KIAA1958: variants seen among roughly 807,000 people sequenced by gnomAD.
The protein encoded by KIAA1958 is uncharacterized protein KIAA1958.
KIAA1958 carries 14 observed loss-of-function variants against 47.2 expected under a neutral mutation model. The observed-to-expected ratio is 0.30, with a 90% CI of 0.20 to 0.46. The LOEUF (loss-of-function observed/expected upper bound fraction) is 0.46, where lower values mean the gene tolerates loss of function less well. KIAA1958 is among the 20% of genes least tolerant of loss of function. The pLI is 1.00. For missense variants in KIAA1958, 803 were observed against 909.2 expected (o/e 0.88, Z 1.50); for synonymous variants, 354 against 353.3 (o/e 1.00, Z -0.02).
intron 1 of KIAA1958, among the ~76,000 whole-genome samples, chr9:112,568,032 A>G (rs931061779): frequency 2.0e-5 from 3 of 151,666 alleles, no homozygotes; most frequent in Non-Finnish European, 4.4e-5. Context: ...CTTATTTTAC[A>G]TTTTTAAAAA....
At chr9:112,626,968 G>A (rs542784686) in intron 2 of KIAA1958, among the ~76,000 whole-genome samples, 1 of 152,300 alleles carries the variant, frequency 6.6e-6, no homozygotes, top group East Asian at 1.9e-4. Flanking sequence ...AACCACTGCT[G>A]CTATCACTTA....
intron 2 of KIAA1958, among the ~76,000 whole-genome samples, chr9:112,626,036 A>G (rs1227716368): frequency 1.3e-5 from 2 of 152,222 alleles, no homozygotes; most frequent in Non-Finnish European, 2.9e-5. Flanking sequence ...TAGTCTGGCA[A>G]GTTTTACAAA....
intron 1 of KIAA1958, among the ~76,000 whole-genome samples, chr9:112,566,914 A>AT (rs1354992184): frequency 6.6e-6 from 1 of 152,208 alleles, no homozygotes; most frequent in Non-Finnish European, 1.5e-5. Flanking sequence ...GGGTGTTTAA[A>AT]TTACATGGCA....
At chr9:112,492,233 G>GGTTA (rs1179126903) in intron 1 of KIAA1958, among the ~76,000 whole-genome samples, 1 of 152,180 alleles carries the variant, frequency 6.6e-6, no homozygotes, top group Non-Finnish European at 1.5e-5. Context: ...GTGTTGGCAG[G>GGTTA]GTTAGGTTCT....
intron 2 of KIAA1958, among the ~76,000 whole-genome samples, chr9:112,578,132 CAG>C (rs1245701592): frequency 1.3e-5 from 2 of 152,106 alleles, no homozygotes; most frequent in Non-Finnish European, 2.9e-5. Context: ...AAATAAAAAT[CAG>C]ACTCATATTT....
At position 112,578,838 on chromosome 9, in the gene KIAA1958, A is replaced by T. The variant is rs189315198; in HGVS notation, c.1171+3587A>T. ...TAAATTTGGGGCATTTGTCATAATG[A>T]CATTTAAATCTCTATCGCATCATGA... On this transcript the variant is annotated intron_variant, in intron 2 of 3. Transcript: ENST00000337530. Among the ~76,000 whole-genome samples, 540 of 152,162 alleles carry T rather than the reference A, an allele frequency of 3.5e-3. 5 individuals are homozygous for T. Among genetic ancestry groups the T allele is most frequent in the African/African-American group, 0.012 (509 of 41,564 alleles).
At chr9:112,533,082 C>T (rs1019462203) in intron 1 of KIAA1958, among the ~76,000 whole-genome samples, 5 of 151,914 alleles carry the variant, frequency 3.3e-5, no homozygotes, top group African/African-American at 1.2e-4. Flanking sequence ...GTATACCCTT[C>T]CAGATTTATA....
chr9:112,633,215 T>C (rs921354596), intron 2 of KIAA1958, among the ~76,000 whole-genome samples: 1 of 151,990 alleles, frequency 6.6e-6, no homozygotes, highest in African/African-American at 2.4e-5. Context: ...CTTTTTTTTT[T>C]TTTTAGGGCA....
intron 1 of KIAA1958, among the ~76,000 whole-genome samples, chr9:112,532,536 G>T (rs182835960): frequency 6.6e-6 from 1 of 152,190 alleles, no homozygotes; most frequent in Non-Finnish European, 1.5e-5. Context: ...TCCTTTCTTT[G>T]ACTGTTTCCT....
At position 112,665,701 on chromosome 9, in the gene KIAA1958, G is replaced by A. The variant is rs1358919402; in HGVS notation, c.*5632G>A. The A allele has an allele frequency of 2.0e-5, 3 of 152,166 alleles. No homozygotes were observed. The highest frequency in any genetic ancestry group is 7.2e-5 in the African/African-American group (3 of 41,440). 9.4% of individuals were successfully genotyped at this position (152,166 alleles called of 1,614,324 possible). On this transcript the variant is annotated 3_prime_UTR_variant, in exon 4 of 4. Coordinates refer to ENST00000337530, the MANE Select transcript of KIAA1958 (RefSeq NM_133465.4). ...AACTTAATCGATCCTGGAAAGCCTG[G>A]CGGTTCCCCAGTATTTTCTGCCTAC...
rs879426813 is a variant in KIAA1958 at position 112,661,677 on chromosome 9, T to C, written c.*1608T>C. ...CCTTAAGATTTAATGTTATTCCCTT[T>C]TTAGTCACTGTGCATTTATAAGTTT... On this transcript the variant is annotated 3_prime_UTR_variant, in exon 4 of 4. Transcript: ENST00000337530. 1.3e-5 allele frequency: 2 copies of C among 152,244 alleles called. No homozygotes were observed. The highest frequency in any genetic ancestry group is 1.3e-4 in the Admixed American group (2 of 15,292). 9.4% of individuals were successfully genotyped at this position (152,244 alleles called of 1,614,324 possible).
intron 1 of KIAA1958, among the ~76,000 whole-genome samples, chr9:112,527,599 G>T (rs1173362755): frequency 6.6e-6 from 1 of 152,074 alleles, no homozygotes; most frequent in Non-Finnish European, 1.5e-5. Flanking sequence ...TCTCTGTGCT[G>T]GGGGGAATTG....
At chr9:112,603,736 A>G (rs553192845) in intron 2 of KIAA1958, among the ~76,000 whole-genome samples, 7 of 152,354 alleles carry the variant, frequency 4.6e-5, no homozygotes, top group South Asian at 2.1e-4. Context: ...ACCTTTGACT[A>G]CATCCCACAG....
intron 1 of KIAA1958, among the ~76,000 whole-genome samples, chr9:112,543,863 A>G (rs1449757163): frequency 2.6e-5 from 4 of 152,110 alleles, no homozygotes; most frequent in African/African-American, 9.7e-5. Flanking sequence ...GTCAATACCC[A>G]TGTCCAATTT....
In KIAA1958 at chr9:112,659,519, C is replaced by G. The variant is rs373966804; in HGVS notation, c.1601C>G (p.Ser534Cys). Reference protein sequence around the residue: ...GARSRNIVYFSLSDEEEMWQA... With the variant: ...GARSRNIVYFCLSDEEEMWQA... Reference sequence around the variant, plus strand: ...CGTTCTCGCAACATCGTCTACTTCTCCCTTTCTGACGAGGAGGAGATGTGG... The same window carrying G: ...CGTTCTCGCAACATCGTCTACTTCTGCCTTTCTGACGAGGAGGAGATGTGG... The change falls in exon 4 of 4, where the codon TCC (serine) becomes TGC (cysteine). Residue 534 changes from serine to cysteine, a missense_variant. By Grantham distance (112) the Ser-to-Cys change is moderately radical (BLOSUM62 -1). This residue lies in a region of KIAA1958 where 761 missense variants were observed against 829.3 expected (regional missense o/e 0.92). Transcript: ENST00000337530. 1.4e-5 allele frequency: 23 copies of G among 1,613,290 alleles called. No homozygotes were observed. The highest frequency in any genetic ancestry group is 1.9e-5 in the Non-Finnish European group (22 of 1,179,708).
At chr9:112,576,825 G>A (rs1421468670) in intron 2 of KIAA1958, among the ~76,000 whole-genome samples, 1 of 152,092 alleles carries the variant, frequency 6.6e-6, no homozygotes, top group African/African-American at 2.4e-5. Context: ...GTTTTTGTGT[G>A]GGTGTGTATG....
chr9:112,511,162 G>A (rs1016427309), intron 1 of KIAA1958, among the ~76,000 whole-genome samples: 6 of 152,172 alleles, frequency 3.9e-5, no homozygotes, highest in African/African-American at 1.2e-4. Flanking sequence ...AGGAAAGTGG[G>A]AGAGTAAATA....
Position 112,668,785 on chromosome 9 carries a change from A to C in KIAA1958, c.*8716A>C, listed in dbSNP as rs1048993592. The C allele has an allele frequency of 6.6e-6, 1 of 152,222 alleles. No individual in the cohort carries two copies. Among genetic ancestry groups the C allele is most frequent in the East Asian group, 1.9e-4 (1 of 5,208 alleles). The allele number at this position is 152,222 out of a possible 1,614,324, so 9.4% of individuals were successfully genotyped here. A position where few individuals can be genotyped will look rare whatever the true frequency, so the allele number is the denominator to read the frequency against. On this transcript the variant is annotated 3_prime_UTR_variant, in exon 4 of 4. Transcript: ENST00000337530. ...CAGAGCAAAACATCTTCCCAAAGAG[A>C]TGGAGACAATCTCTTCTGGGTAGAT...
chr9:112,606,373 GA>G (rs903849424), intron 2 of KIAA1958, among the ~76,000 whole-genome samples: 5 of 151,616 alleles, frequency 3.3e-5, no homozygotes, highest in African/African-American at 4.8e-5. Context: ...GATCTGCTTA[GA>G]AAAAAAAATT....
Sources: gnomAD v4.1 joint callset for allele counts (sites outside exome capture counted in the v4.1 genomes callset) on GRCh38, gnomAD v4.1.1 for gene constraint, gnomAD v4.1.1 regional missense constraint, MANE v1.5 for transcripts, NCBI Gene and HGNC (gene_info 2026-07-23, HGNC 2026-07-21) for gene names.